The following PHF21A variants were observed in gnomAD, a reference collection of about 807,000 sequenced individuals.
PHF21A encodes PHD finger protein 21A.
A neutral mutation model predicts 82.5 loss-of-function variants in PHF21A; 11 were observed. That is an observed-to-expected ratio of 0.13 (90% CI 0.08 to 0.22). The LOEUF (loss-of-function observed/expected upper bound fraction) is 0.22, where lower values mean the gene tolerates loss of function less well. PHF21A is among the 10% of genes least tolerant of loss of function. The pLI is 1.00. For synonymous variants in PHF21A, 297 were observed against 302.8 expected, an observed-to-expected ratio of 0.98 and a Z score of 0.20; for missense variants, 579 against 837.8, an observed-to-expected ratio of 0.69 and a Z score of 3.81.
intron 6 of PHF21A, among the ~76,000 whole-genome samples, chr11:46,013,175 T>C (rs2095444323): frequency 6.6e-6 from 1 of 152,144 alleles, no homozygotes. Flanking sequence ...TAACAACACC[T>C]CATAATAACA....
chr11:46,061,582 C>G (rs1177362310), intron 6 of PHF21A, among the ~76,000 whole-genome samples: 1 of 152,108 alleles, frequency 6.6e-6, no homozygotes, highest in African/African-American at 2.4e-5. Context: ...CTTTCCCATA[C>G]TTTCCAAAGA....
chr11:45,946,726 A>G (rs1394313549), intron 14 of PHF21A, among the ~76,000 whole-genome samples: 1 of 152,196 alleles, frequency 6.6e-6, no homozygotes, highest in Non-Finnish European at 1.5e-5. Flanking sequence ...GTTTCTCTGC[A>G]ATCAGCATTC....
intron 6 of PHF21A, among the ~76,000 whole-genome samples, chr11:46,038,213 G>T (rs1459371571): frequency 6.6e-6 from 1 of 151,072 alleles, no homozygotes; most frequent in Non-Finnish European, 1.5e-5. Flanking sequence ...TGCAACCTCT[G>T]CCTCCCAGTT....
intron 4 of PHF21A, among the ~76,000 whole-genome samples, chr11:46,080,247 C>G (rs1438767063): frequency 6.6e-6 from 1 of 152,060 alleles, no homozygotes. Context: ...CAGCCTTAAC[C>G]TCCTGGGCTT....
chr11:46,052,055 C>A lies in PHF21A; in HGVS notation c.153+24699G>T, dbSNP rs185522068. Among the ~76,000 whole-genome samples the A allele has an allele frequency of 1.4e-3, 207 of 152,254 alleles. 4 individuals carry two copies. The highest frequency in any genetic ancestry group is 4.4e-4 in the Non-Finnish European group (30 of 68,022). Reference sequence around the variant, plus strand: ...AGTCAATAGTCAAGGTTGAGATGATCCAGGAGTAGCATATGACCCAGGCCT... The same window carrying A: ...AGTCAATAGTCAAGGTTGAGATGATACAGGAGTAGCATATGACCCAGGCCT... On this transcript the variant is annotated intron_variant, in intron 6 of 18. Coordinates refer to ENST00000676320, the MANE Select transcript of PHF21A (RefSeq NM_001352027.3).
rs990258398 is a variant in PHF21A, at chr11:45,932,141, T to G, written c.*1827A>C. On this transcript the variant is annotated 3_prime_UTR_variant, in exon 19 of 19. Coordinates refer to ENST00000676320, the MANE Select transcript of PHF21A (RefSeq NM_001352027.3). This position sits in a 1 kb window ranked among gnomAD's most constrained non-coding sequence, Gnocchi z 4.3. Reference sequence around the variant, plus strand: ...CTCTGTTCTAAGCACCAAGGGCTGATGCAGCCAGCCTGTACTCCCGCACCC... The same window carrying G: ...CTCTGTTCTAAGCACCAAGGGCTGAGGCAGCCAGCCTGTACTCCCGCACCC... 2 of 35,748 alleles carry G rather than the reference T, an allele frequency of 5.6e-5. No individual in the cohort carries two copies. The highest frequency in any genetic ancestry group is 1.6e-4 in the Non-Finnish European group (2 of 12,204). 2.2% of individuals were successfully genotyped at this position (35,748 alleles called of 1,614,324 possible).
intron 6 of PHF21A, among the ~76,000 whole-genome samples, chr11:46,012,540 G>A (rs1169419406): frequency 3.3e-5 from 5 of 152,166 alleles, no homozygotes; most frequent in East Asian, 1.9e-4. Flanking sequence ...GTTAACTCAC[G>A]ACAGTCTCTG....
intron 3 of PHF21A, among the ~76,000 whole-genome samples, chr11:46,087,164 T>TA (rs888489964): frequency 6.6e-6 from 1 of 152,208 alleles, no homozygotes; most frequent in African/African-American, 2.4e-5. Flanking sequence ...AAATTTTCCA[T>TA]AAAAAATATG....
At chr11:46,036,113 G>C (rs939997668) in intron 6 of PHF21A, among the ~76,000 whole-genome samples, 9 of 152,318 alleles carry the variant, frequency 5.9e-5, no homozygotes, top group Non-Finnish European at 1.2e-4. Context: ...TATCTAAGAA[G>C]AAGACTGGCA....
intron 6 of PHF21A, among the ~76,000 whole-genome samples, chr11:46,065,598 C>T (rs1296826226): frequency 6.6e-6 from 1 of 152,224 alleles, no homozygotes; most frequent in African/African-American, 2.4e-5. Context: ...AACTAAACTA[C>T]AGCTAAAAGC....
intron 1 of PHF21A, among the ~76,000 whole-genome samples, chr11:46,114,715 G>C (rs1033213417): frequency 2.0e-5 from 3 of 152,124 alleles, no homozygotes; most frequent in African/African-American, 4.8e-5. Flanking sequence ...ACTGTTAATT[G>C]AGTGAAATAA....
At chr11:46,067,421 G>A (rs1158450414) in intron 6 of PHF21A, among the ~76,000 whole-genome samples, 1 of 152,154 alleles carries the variant, frequency 6.6e-6, no homozygotes, top group Non-Finnish European at 1.5e-5. Context: ...GATGTATCAA[G>A]TTTTCAAACT....
intron 18 of PHF21A, 119 bp downstream of exon 18, chr11:45,935,517 A>G: frequency 1.4e-6 from 1 of 714,604 alleles, no homozygotes; most frequent in Non-Finnish European, 2.4e-6. Context: ...CAAGTTAATC[A>G]CGTTAATAAA....
chr11:46,118,992 A>G (rs1852180675), intron 1 of PHF21A, among the ~76,000 whole-genome samples: 1 of 152,074 alleles, frequency 6.6e-6, no homozygotes, highest in Non-Finnish European at 1.5e-5. Flanking sequence ...GCCCTCAATA[A>G]AGCTACAGAT....
At chr11:45,971,083 G>A (rs368314495) in intron 8 of PHF21A, 33 bp downstream of exon 8, 3 of 1,611,450 alleles carry the variant, frequency 1.9e-6, no homozygotes, top group Non-Finnish European at 2.5e-6. Flanking sequence ...ACCTTCTCAT[G>A]TGATCACACA....
intron 10 of PHF21A, among the ~76,000 whole-genome samples, chr11:45,961,471 A>G (rs1035229323): frequency 8.5e-5 from 13 of 152,270 alleles, no homozygotes; most frequent in Admixed American, 8.5e-4. Flanking sequence ...GTTGACTAAC[A>G]GGGAAAACAG....
chr11:45,936,385 G>T lies in PHF21A; in HGVS notation c.1684+109C>A, dbSNP rs1055483972. On this transcript the variant is annotated intron_variant, in intron 17 of 18. Transcript: ENST00000676320. ...TTCCTCCAATAGTTAAGGGCAAAAG[G>T]TTTTCATTTTTAAATTTAAATTCCC... The T allele has an allele frequency of 9.9e-6, 7 of 704,356 alleles. No individual in the cohort carries two copies. The Admixed American group carries it at 1.3e-4, about 13-fold the overall frequency. 43.6% of individuals were successfully genotyped at this position (704,356 alleles called of 1,614,324 possible).
chr11:45,959,811 A>G (rs1289038461), intron 10 of PHF21A, among the ~76,000 whole-genome samples: 6 of 152,222 alleles, frequency 3.9e-5, no homozygotes, highest in Non-Finnish European at 8.8e-5. Context: ...GTAAGGGTCT[A>G]GTATCCAGAT....
At chr11:45,943,239 C>A (rs949267151) in intron 15 of PHF21A, among the ~76,000 whole-genome samples, 1 of 151,604 alleles carries the variant, frequency 6.6e-6, no homozygotes, top group African/African-American at 2.4e-5. Context: ...CCTCCCACCT[C>A]AGCCTTGCAA....
Sources: gnomAD v4.1 joint callset for allele counts (sites outside exome capture counted in the v4.1 genomes callset) on GRCh38, gnomAD v4.1.1 for gene constraint, Gnocchi (gnomAD v3.1) non-coding constraint, MANE v1.5 for transcripts, NCBI Gene and HGNC (gene_info 2026-07-23, HGNC 2026-07-21) for gene names.